SUCLG2: variants seen among roughly 807,000 people sequenced by gnomAD.
The protein encoded by SUCLG2 is succinate--CoA ligase [GDP-forming] subunit beta, mitochondrial.
In SUCLG2, 42 loss-of-function variants were observed where a neutral mutation model predicts 47.9. That is an observed-to-expected ratio of 0.88 (90% CI 0.69 to 1.14). The LOEUF (loss-of-function observed/expected upper bound fraction) is 1.14, where lower values mean the gene tolerates loss of function less well. SUCLG2 is among the 50% of genes most tolerant of loss of function. The pLI, the probability that SUCLG2 is intolerant of heterozygous loss-of-function variation, is 0.00. For synonymous variants in SUCLG2, 195 were observed against 197.3 expected (o/e 0.99, Z 0.10); for missense variants, 571 against 525.9 (o/e 1.09, Z -0.84).
chr3:67,641,767 G>C (rs552520821), intron 1 of SUCLG2, among the ~76,000 whole-genome samples: 162 of 152,244 alleles, frequency 1.1e-3, no homozygotes, highest in African/African-American at 3.7e-3. Flanking sequence ...ACTACAGAAA[G>C]GTATTCTCTT....
At chr3:67,560,062 T>C (rs890856253) in intron 2 of SUCLG2, among the ~76,000 whole-genome samples, 2 of 152,156 alleles carry the variant, frequency 1.3e-5, no homozygotes, top group Non-Finnish European at 2.9e-5. Context: ...AAAATATATC[T>C]ATATAATGGC....
chr3:67,533,949 T>C (rs1284983615), intron 2 of SUCLG2, among the ~76,000 whole-genome samples: 1 of 151,064 alleles, frequency 6.6e-6, no homozygotes, highest in Non-Finnish European at 1.5e-5. Context: ...CACAGCACAT[T>C]AGAATAAACC....
intron 2 of SUCLG2, among the ~76,000 whole-genome samples, chr3:67,564,996 C>T (rs1707412394): frequency 6.6e-6 from 1 of 151,258 alleles, no homozygotes; most frequent in Non-Finnish European, 1.5e-5. Flanking sequence ...TTTTTAACAA[C>T]CAAGCATACA....
intron 2 of SUCLG2, among the ~76,000 whole-genome samples, chr3:67,564,992 A>G (rs2107224153): frequency 6.6e-6 from 1 of 151,716 alleles, no homozygotes. Flanking sequence ...TTTTTTTTTA[A>G]CAACCAAGCA....
chr3:67,635,308 T>C (rs1700990846), intron 1 of SUCLG2, among the ~76,000 whole-genome samples: 1 of 152,218 alleles, frequency 6.6e-6, no homozygotes. Flanking sequence ...ACCTCTTGCC[T>C]GCCTTTCAAA....
At chr3:67,642,996 C>A (rs955567850) in intron 1 of SUCLG2, among the ~76,000 whole-genome samples, 5 of 151,990 alleles carry the variant, frequency 3.3e-5, no homozygotes, top group Non-Finnish European at 7.4e-5. Context: ...TGGTTCCTGG[C>A]AAACAGGTTC....
chr3:67,375,988 A>G, intron 10 of SUCLG2, 129 bp from the exon 11 acceptor site: 1 of 1,400,814 alleles, frequency 7.1e-7, no homozygotes, highest in Non-Finnish European at 9.3e-7. Context: ...ATAGGTTCTC[A>G]TCAAGGTCAC....
intron 10 of SUCLG2, among the ~76,000 whole-genome samples, chr3:67,367,402 T>C (rs1308396175): frequency 6.6e-6 from 1 of 152,212 alleles, no homozygotes; most frequent in Non-Finnish European, 1.5e-5. Context: ...GTAAAAGCAT[T>C]TGTATCTTTT....
intron 2 of SUCLG2, among the ~76,000 whole-genome samples, chr3:67,572,297 GTA>G (rs1435593999): frequency 1.3e-5 from 2 of 152,140 alleles, no homozygotes; most frequent in Admixed American, 6.5e-5. Context: ...CTAGCACACT[GTA>G]TATGTTAATT....
At chr3:67,399,563 A>G (rs1702637009) in intron 10 of SUCLG2, among the ~76,000 whole-genome samples, 2 of 152,218 alleles carry the variant, frequency 1.3e-5, no homozygotes, top group Admixed American at 6.5e-5. Flanking sequence ...TGTGAACTTG[A>G]CAGCTTCCTA....
intron 4 of SUCLG2, among the ~76,000 whole-genome samples, chr3:67,525,834 A>G (rs1299628507): frequency 6.6e-6 from 1 of 152,234 alleles, no homozygotes; most frequent in East Asian, 1.9e-4. Context: ...CCTGTTGAAA[A>G]AATGAATATA....
rs144966241 is a variant in SUCLG2, at chr3:67,429,902, A to T, written c.1063-29051T>A. Among the ~76,000 whole-genome samples, 335 of 152,348 alleles carry T rather than the reference A, an allele frequency of 2.2e-3. 1 individual carries two copies. The highest frequency in any genetic ancestry group is 3.7e-3 in the Non-Finnish European group (252 of 68,032). On this transcript the variant is annotated intron_variant, in intron 9 of 10. Transcript: ENST00000307227. ...ATCAATTCAACAAGAAGAGCTAAGTATCCTAAAAATAGATGCACCCAATAC... is the reference window on the plus strand; with the variant it reads ...ATCAATTCAACAAGAAGAGCTAAGTTTCCTAAAAATAGATGCACCCAATAC...
chr3:67,591,524 A>G (rs1202937857), intron 2 of SUCLG2, among the ~76,000 whole-genome samples: 1 of 152,128 alleles, frequency 6.6e-6, no homozygotes, highest in Admixed American at 6.5e-5. Flanking sequence ...TGCTATTCTC[A>G]TTATAGTGAA....
At chr3:67,404,071 A>G (rs1702749613) in intron 9 of SUCLG2, among the ~76,000 whole-genome samples, 1 of 152,084 alleles carries the variant, frequency 6.6e-6, no homozygotes, top group Admixed American at 6.5e-5. Flanking sequence ...GTATTAGTAG[A>G]GAGGCGATTT....
chr3:67,483,037 C>G (rs1704957785), intron 9 of SUCLG2, among the ~76,000 whole-genome samples: 1 of 151,938 alleles, frequency 6.6e-6, no homozygotes, highest in African/African-American at 2.4e-5. Context: ...ACCAGATGGC[C>G]CTTGGGAATG....
chr3:67,365,572 T>G (rs1041763937), intron 10 of SUCLG2, among the ~76,000 whole-genome samples: 20 of 152,218 alleles, frequency 1.3e-4, no homozygotes, highest in Non-Finnish European at 2.9e-4. Flanking sequence ...TTTGATATTT[T>G]ATGCATTTTC....
At chr3:67,376,922 AT>A (rs1272091525) in intron 10 of SUCLG2, among the ~76,000 whole-genome samples, 1 of 152,232 alleles carries the variant, frequency 6.6e-6, no homozygotes, top group Non-Finnish European at 1.5e-5. Context: ...TAAAATCTCC[AT>A]GCTGGCTCTG....
intron 2 of SUCLG2, among the ~76,000 whole-genome samples, chr3:67,594,086 C>A (rs1357772648): frequency 6.6e-6 from 1 of 152,210 alleles, no homozygotes; most frequent in East Asian, 1.9e-4. Context: ...TGGTACAGGC[C>A]TGGACCCAAC....
chr3:67,542,075 T>C lies in SUCLG2; in HGVS notation c.227-12889A>G, dbSNP rs570882798. 7.9e-5 allele frequency among the ~76,000 whole-genome samples: 12 copies of C among 152,134 alleles called. No homozygotes were observed. In the East Asian group the frequency reaches 1.9e-3, roughly 25 times the overall value. Reference sequence around the variant, plus strand: ...TTTTAGTAGAGACGGGGTTTCTCCATGTAGGTCAGGTTGGTCTCAAACTCC... The same window carrying C: ...TTTTAGTAGAGACGGGGTTTCTCCACGTAGGTCAGGTTGGTCTCAAACTCC... On this transcript the variant is annotated intron_variant, in intron 2 of 10. Transcript: ENST00000307227.
Sources: allele counts gnomAD v4.1 joint callset (sites outside exome capture counted in the v4.1 genomes callset), GRCh38; gene constraint gnomAD v4.1.1; transcripts MANE v1.5; gene names NCBI Gene and HGNC (gene_info 2026-07-23, HGNC 2026-07-21).